Variants in SNX25 observed in about 807,000 individuals in gnomAD.
SNX25 encodes sorting nexin 25, also known as sorting nexin-25.
Under a neutral mutation model 113.7 loss-of-function variants are expected in SNX25, and 62 were observed. The ratio of observed to expected loss-of-function variants is 0.55; its 90% CI spans 0.44 to 0.67. SNX25 has a LOEUF of 0.67. Ranked by LOEUF, SNX25 falls within the 30% of genes least tolerant of loss-of-function variation. SNX25 has a pLI of 0.00. For synonymous variants in SNX25, 421 were observed against 436.2 expected (o/e 0.97, Z 0.43); for missense variants, 1,014 against 1,161.0 (o/e 0.87, Z 1.84).
At chr4:185,270,510 G>A (rs1021038200) in intron 5 of SNX25, among the ~76,000 whole-genome samples, 1 of 152,204 alleles carries the variant, frequency 6.6e-6, no homozygotes, top group Non-Finnish European at 1.5e-5. Flanking sequence ...CTAAACTGAA[G>A]AATACCTTTT....
chr4:185,293,881 A>G (rs1291114181), intron 6 of SNX25, among the ~76,000 whole-genome samples: 1 of 152,254 alleles, frequency 6.6e-6, no homozygotes, highest in Non-Finnish European at 1.5e-5. Flanking sequence ...GTTTATAAAC[A>G]GAAAATGAAA....
chr4:185,328,455 GA>G (rs1263840001), intron 9 of SNX25, among the ~76,000 whole-genome samples: 1 of 152,036 alleles, frequency 6.6e-6, no homozygotes, highest in African/African-American at 2.4e-5. Context: ...AGACAGAGTG[GA>G]AAAAAGTAAT....
intron 2 of SNX25, among the ~76,000 whole-genome samples, chr4:185,255,172 C>T (rs1407879329): frequency 2.6e-5 from 4 of 151,642 alleles, no homozygotes; most frequent in Non-Finnish European, 5.9e-5. Context: ...CTCGCTCTGT[C>T]GCCCAGGCTG....
At chr4:185,277,296 T>C (rs182891871) in intron 5 of SNX25, among the ~76,000 whole-genome samples, 4 of 152,316 alleles carry the variant, frequency 2.6e-5, no homozygotes, top group Non-Finnish European at 5.9e-5. Flanking sequence ...GTGCTGGGAT[T>C]ACAGATATGA....
In SNX25 at chr4:185,232,997, G is replaced by A. The variant is rs1742081889; in HGVS notation, c.430-14297G>A. On this transcript the variant is annotated intron_variant, in intron 1 of 18. Coordinates refer to ENST00000652585, the MANE Select transcript of SNX25 (RefSeq NM_001378034.2). This position sits in a 1 kb window ranked among gnomAD's most constrained non-coding sequence, Gnocchi z 4.4. ...TGAGTTTCCATCAAAAATAAATGAA[G>A]CCAAGGCTGGGTGTGGTAGCTCACA... Among the ~76,000 whole-genome samples, 1 of 152,172 alleles carries A rather than the reference G, an allele frequency of 6.6e-6. No individual in the cohort carries two copies. The highest frequency in any genetic ancestry group is 1.5e-5 in the Non-Finnish European group (1 of 68,032).
At chr4:185,378,374 C>A in the SNX25 span, 11 of 1,402,818 alleles carry the variant, frequency 7.8e-6, no homozygotes, top group African/African-American at 1.6e-4. Flanking sequence ...TACTAGGACA[C>A]CAAGACCCTC....
At chr4:185,368,135 G>A (rs777574697), downstream of SNX25, among the ~76,000 whole-genome samples, 17 of 152,236 alleles carry the variant, frequency 1.1e-4, no homozygotes, top group South Asian at 4.1e-4. Context: ...CCGAGATTGC[G>A]CCACTGCACT....
chr4:185,304,651 C>T (rs575004041), intron 6 of SNX25, among the ~76,000 whole-genome samples: 19 of 152,202 alleles, frequency 1.2e-4, no homozygotes, highest in Middle Eastern at 3.4e-3. Context: ...GCCACCACAC[C>T]GGGCCTAAAT....
chr4:185,250,995 T>TTGTGTG (rs568840441), intron 2 of SNX25, among the ~76,000 whole-genome samples: 2 of 150,678 alleles, frequency 1.3e-5, no homozygotes, highest in African/African-American at 2.4e-5. Context: ...TAATGTTTTG[T>TTGTGTG]TGTGTGTGTG....
chr4:185,257,397 G>A (rs1419356031), intron 2 of SNX25, among the ~76,000 whole-genome samples: 1 of 152,068 alleles, frequency 6.6e-6, no homozygotes, highest in Non-Finnish European at 1.5e-5. Flanking sequence ...TAGAAACTGT[G>A]CTGTCCAACA....
chr4:185,239,351 T>G (rs183621090), intron 1 of SNX25, among the ~76,000 whole-genome samples: 5 of 151,742 alleles, frequency 3.3e-5, no homozygotes, highest in Non-Finnish European at 1.5e-5. Flanking sequence ...GGCGTGGTGG[T>G]GGGCACCTGT....
intron 2 of SNX25, among the ~76,000 whole-genome samples, chr4:185,258,255 C>T (rs1183410473): frequency 6.6e-6 from 1 of 152,174 alleles, no homozygotes; most frequent in East Asian, 1.9e-4. Context: ...GGAAGCTGCC[C>T]TGTGGATGGC....
chr4:185,374,374 C>T (rs1237054410), downstream of SNX25: 23 of 1,613,964 alleles, frequency 1.4e-5, no homozygotes, highest in East Asian at 4.5e-5. Context: ...TAAGCTCTTC[C>T]GAGGTTGTAA....
rs769629651 is a variant in SNX25, at chr4:185,323,701, G to A, written c.1650G>A (p.Arg550=). The change falls in exon 9 of 19, where the codon AGG becomes AGA. Residue 550 remains arginine, a synonymous_variant. Coordinates refer to ENST00000652585, the MANE Select transcript of SNX25 (RefSeq NM_001378034.2). ...ATGTTTATGAGACCCTAAAGGATAG[G>A]TATTACCCTTCATTTATTGTCAGTG... ...QEDVYETLKD[R]YYPSFIVSDL... is the part of the protein sequence containing the mutation. 2.4e-5 allele frequency: 38 copies of A among 1,613,374 alleles called. No individual in the cohort carries two copies. Among genetic ancestry groups the A allele is most frequent in the Middle Eastern group, 1.6e-4 (1 of 6,078 alleles).
intron 1 of SNX25, among the ~76,000 whole-genome samples, chr4:185,219,406 A>G (rs1440478237): frequency 6.6e-6 from 1 of 151,926 alleles, no homozygotes; most frequent in Non-Finnish European, 1.5e-5. Context: ...AAAAATACAA[A>G]AAATTAGCCA....
intron 7 of SNX25, among the ~76,000 whole-genome samples, chr4:185,319,202 T>G (rs1451841112): frequency 3.5e-5 from 2 of 57,000 alleles, no homozygotes; most frequent in African/African-American, 1.0e-4. Context: ...CCTTTTTTTT[T>G]TTTTTTTTTT....
intron 15 of SNX25, among the ~76,000 whole-genome samples, chr4:185,357,372 C>T (rs553724897): frequency 5.3e-5 from 8 of 152,268 alleles, no homozygotes; most frequent in South Asian, 4.1e-4. Context: ...AAAACAGACA[C>T]GTTGTCAATA....
At chr4:185,362,578 A>C in intron 17 of SNX25, 33 bp from the exon 18 acceptor site, 1 of 1,593,908 alleles carries the variant, frequency 6.3e-7, no homozygotes, top group Non-Finnish European at 8.6e-7. Flanking sequence ...CACTTTATCA[A>C]TAGCAGCATA....
chr4:185,254,141 A>G (rs1051342201), intron 2 of SNX25, among the ~76,000 whole-genome samples: 1 of 151,976 alleles, frequency 6.6e-6, no homozygotes, highest in Non-Finnish European at 1.5e-5. Flanking sequence ...AGAAAGCTCA[A>G]CTCATCGAGT....
Sources: gnomAD v4.1 joint callset for allele counts (sites outside exome capture counted in the v4.1 genomes callset) on GRCh38, gnomAD v4.1.1 for gene constraint, Gnocchi (gnomAD v3.1) non-coding constraint, MANE v1.5 for transcripts, NCBI Gene and HGNC (gene_info 2026-07-23, HGNC 2026-07-21) for gene names.